Variants in SH3KBP1 observed in about 807,000 individuals in gnomAD.
SH3KBP1 encodes SH3 domain containing kinase binding protein 1, also known as SH3 domain-containing kinase-binding protein 1.
A neutral mutation model predicts 50.1 loss-of-function variants in SH3KBP1; 8 were observed. That is an observed-to-expected ratio of 0.16 (90% CI 0.09 to 0.29). SH3KBP1 has a LOEUF of 0.29. Among genes scored for constraint, SH3KBP1 ranks in the 10% least tolerant of loss-of-function variants. SH3KBP1 has a pLI of 1.00. For synonymous variants in SH3KBP1, 227 were observed against 218.6 expected (o/e 1.04, Z -0.34); for missense variants, 377 against 535.2 (o/e 0.70, Z 2.92).
chrX:19,534,637 C>G lies in SH3KBP1; in HGVS notation c.*1780G>C, dbSNP rs2064665226. ...CTTGGGAACCTGGCACTCCTGACCC[C>G]AAGCACACTGAACCCGAGGCTGCTG... On this transcript the variant is annotated 3_prime_UTR_variant, in exon 18 of 18. Transcript: ENST00000397821. The G allele has an allele frequency of 3.6e-6, 1 of 279,628 alleles. No homozygotes were observed. Among genetic ancestry groups the G allele is most frequent in the Non-Finnish European group, 6.2e-6 (1 of 160,260 alleles). 23.0% of individuals were successfully genotyped at this position (279,628 alleles called of 1,213,427 possible). A position where few individuals can be genotyped will look rare whatever the true frequency, so the allele number is the denominator to read the frequency against.
intron 1 of SH3KBP1, among the ~76,000 whole-genome samples, chrX:19,862,927 T>C (rs920545803): frequency 8.9e-6 from 1 of 111,914 alleles, no homozygotes; most frequent in African/African-American, 3.3e-5. Context: ...GCTCTAGGAA[T>C]TGGGTGAAAA....
intron 12 of SH3KBP1, among the ~76,000 whole-genome samples, chrX:19,579,160 A>G (rs1395944517): frequency 8.9e-6 from 1 of 112,020 alleles, no homozygotes; most frequent in African/African-American, 3.3e-5. Context: ...GATGGTGAAG[A>G]CACGCTGGAA....
chrX:19,703,485 C>T, intron 4 of SH3KBP1, among the ~76,000 whole-genome samples: 1 of 111,527 alleles, frequency 9.0e-6, no homozygotes, highest in Non-Finnish European at 1.9e-5. Flanking sequence ...CCAGCAAACC[C>T]ATATTTAGGG....
chrX:19,600,811 C>A (rs2148057514), intron 9 of SH3KBP1, among the ~76,000 whole-genome samples: 1 of 111,324 alleles, frequency 9.0e-6, no homozygotes, highest in South Asian at 3.8e-4. Flanking sequence ...CCAGCTCCAA[C>A]CTCAGGTGGC....
chrX:19,778,373 G>C (rs1183541531), intron 2 of SH3KBP1, among the ~76,000 whole-genome samples: 2 of 103,953 alleles, frequency 1.9e-5, no homozygotes, highest in Non-Finnish European at 2.0e-5. Flanking sequence ...TGAGGTTACA[G>C]TGAGCCGAAA....
At chrX:19,877,902 C>G (rs1177701347) in intron 1 of SH3KBP1, among the ~76,000 whole-genome samples, 1 of 112,376 alleles carries the variant, frequency 8.9e-6, no homozygotes, top group Non-Finnish European at 1.9e-5. Flanking sequence ...AGCAGTGCCC[C>G]CACCACTTCC....
In SH3KBP1 at chrX:19,535,644, G is replaced by C. The variant is rs750883155; in HGVS notation, c.*773C>G. The C allele has an allele frequency of 1.8e-5, 2 of 111,268 alleles. No individual in the cohort carries two copies. The highest frequency in any genetic ancestry group is 3.8e-5 in the Non-Finnish European group (2 of 53,080). 9.2% of individuals were successfully genotyped at this position (111,268 alleles called of 1,213,427 possible). ...CTCTTAGGACCTTTGGCTAGGGTGA[G>C]AGAAGCTTTGAAGACAGTGGCCTCT... On this transcript the variant is annotated 3_prime_UTR_variant, in exon 18 of 18. Coordinates refer to ENST00000397821, the MANE Select transcript of SH3KBP1 (RefSeq NM_031892.3).
intron 1 of SH3KBP1, among the ~76,000 whole-genome samples, chrX:19,866,513 C>A (rs1291915253): frequency 9.1e-6 from 1 of 109,329 alleles, no homozygotes; most frequent in African/African-American, 3.3e-5. Flanking sequence ...CATAACGAGA[C>A]CTCCATCCCT....
intron 6 of SH3KBP1, 70 bp from the exon 7 acceptor site, chrX:19,645,545 G>T: frequency 1.2e-6 from 1 of 849,774 alleles, no homozygotes; most frequent in Non-Finnish European, 1.7e-6. Flanking sequence ...ATAAGATCCA[G>T]ATCATAATGA....
At chrX:19,873,389 G>T (rs1275583813) in intron 1 of SH3KBP1, among the ~76,000 whole-genome samples, 1 of 105,164 alleles carries the variant, frequency 9.5e-6, no homozygotes, top group Non-Finnish European at 1.9e-5. Flanking sequence ...TAAAAACCCT[G>T]GCTGGGCATG....
intron 9 of SH3KBP1, among the ~76,000 whole-genome samples, chrX:19,603,485 G>C (rs1489873217): frequency 3.6e-5 from 4 of 111,926 alleles, no homozygotes; most frequent in African/African-American, 1.3e-4. Context: ...ATACTCACAG[G>C]GACATCTTCG....
intron 9 of SH3KBP1, among the ~76,000 whole-genome samples, chrX:19,605,809 C>A (rs2067226740): frequency 8.9e-6 from 1 of 111,828 alleles, no homozygotes; most frequent in Admixed American, 9.5e-5. Flanking sequence ...ATTTATCAGG[C>A]AGCAGATCCA....
intron 2 of SH3KBP1, among the ~76,000 whole-genome samples, chrX:19,759,832 C>T (rs1287285971): frequency 9.0e-6 from 1 of 111,262 alleles, no homozygotes; most frequent in Non-Finnish European, 1.9e-5. Context: ...CAGCAAATTC[C>T]TAAGTAATGA....
In SH3KBP1 at chrX:19,549,493, C is replaced by T. The variant is rs189045239; in HGVS notation, c.1494+481G>A. Among the ~76,000 whole-genome samples, 227 of 111,608 alleles carry T rather than the reference C, an allele frequency of 2.0e-3. 1 individual carries two copies. Among genetic ancestry groups the T allele is most frequent in the Middle Eastern group, 4.6e-3 (1 of 217 alleles). On this transcript the variant is annotated intron_variant, in intron 14 of 17. Transcript: ENST00000397821. The stretch of plus-strand genomic sequence containing the variant: ...ACCAGGTGCCTCATATGTTTGAAAA[C>T]AATCTCCTGAAGGTCTGCGTGGTAT...
At chrX:19,770,077 T>G (rs1295994789) in intron 2 of SH3KBP1, among the ~76,000 whole-genome samples, 2 of 112,080 alleles carry the variant, frequency 1.8e-5, no homozygotes, top group Non-Finnish European at 3.8e-5. Flanking sequence ...ATAATGTCAC[T>G]AAGTGCAGGT....
At chrX:19,872,890 G>A (rs939299177) in intron 1 of SH3KBP1, among the ~76,000 whole-genome samples, 6 of 107,608 alleles carry the variant, frequency 5.6e-5, no homozygotes, top group Non-Finnish European at 9.6e-5. Context: ...GGGATGATAA[G>A]CCATATGAAC....
intron 8 of SH3KBP1, among the ~76,000 whole-genome samples, chrX:19,622,332 G>C (rs751713678): frequency 8.9e-6 from 1 of 112,395 alleles, no homozygotes; most frequent in Non-Finnish European, 1.9e-5. Context: ...ATCCAGGGAT[G>C]ACAAGAATAG....
chrX:19,829,550 C>T (rs922746333), intron 2 of SH3KBP1, among the ~76,000 whole-genome samples: 3 of 108,680 alleles, frequency 2.8e-5, no homozygotes, highest in African/African-American at 1.0e-4. Context: ...AGATTGAGAT[C>T]GTCCTGGCCA....
intron 2 of SH3KBP1, among the ~76,000 whole-genome samples, chrX:19,775,774 T>G (rs920105161): frequency 2.7e-5 from 3 of 111,862 alleles, no homozygotes; most frequent in African/African-American, 9.8e-5. Flanking sequence ...CCAAAGGCAC[T>G]AAAGATCTGC....
Sources: allele counts gnomAD v4.1 joint callset (sites outside exome capture counted in the v4.1 genomes callset), GRCh38; gene constraint gnomAD v4.1.1; transcripts MANE v1.5; gene names NCBI Gene and HGNC (gene_info 2026-07-23, HGNC 2026-07-21).